Variants in PTGR1 observed in about 807,000 individuals in gnomAD.
PTGR1 encodes the protein prostaglandin reductase 1.
PTGR1 carries 23 observed loss-of-function variants against 37.7 expected under a neutral mutation model. That is an observed-to-expected ratio of 0.61 (90% CI 0.44 to 0.86). The LOEUF (loss-of-function observed/expected upper bound fraction) is 0.86, where lower values mean the gene tolerates loss of function less well. PTGR1 is among the 40% of genes least tolerant of loss of function. The pLI, the probability that PTGR1 is intolerant of heterozygous loss-of-function variation, is 0.00. For synonymous variants in PTGR1, 134 were observed against 140.0 expected, an observed-to-expected ratio of 0.96 and a Z score of 0.30; for missense variants, 351 against 394.3, an observed-to-expected ratio of 0.89 and a Z score of 0.93.
intron 8 of PTGR1, chr9:111,574,327 A>T (rs893867920): frequency 6.6e-6 from 1 of 152,294 alleles, no homozygotes; most frequent in Admixed American, 6.5e-5. Context: ...AATTATATAT[A>T]TTTTTATTTC....
chr9:111,557,373 C>G (rs1242493418), intron 9 of PTGR1, among the ~76,000 whole-genome samples: 1 of 148,722 alleles, frequency 6.7e-6, no homozygotes, highest in Non-Finnish European at 1.5e-5. Flanking sequence ...GACTCCATCT[C>G]CAGTAAAAAA....
At chr9:111,581,868 T>C (rs893801127) in intron 6 of PTGR1, among the ~76,000 whole-genome samples, 1 of 152,152 alleles carries the variant, frequency 6.6e-6, no homozygotes, top group Non-Finnish European at 1.5e-5. Context: ...TTATTATTTA[T>C]TAGATTATTG....
At chr9:111,577,607 G>A (rs1829115940) in intron 7 of PTGR1, 1 of 152,358 alleles carries the variant, frequency 6.6e-6, no homozygotes, top group African/African-American at 2.4e-5. Context: ...CACTTTGGGA[G>A]GCCGAGTTGG....
At position 111,563,266 on chromosome 9, in the gene PTGR1, T is replaced by C. The variant is rs545350929; in HGVS notation, c.880-35A>G. The C allele has an allele frequency of 3.9e-5, 62 of 1,580,786 alleles. No individual in the cohort carries two copies. In the East Asian group the frequency reaches 1.1e-3, roughly 29 times the overall value. On this transcript the variant is annotated intron_variant, in intron 9 of 9. Transcript: ENST00000407693. ...AGCAACAACAAATTTTAAAACTTAA[T>C]TTAATATTCTCAATGATATACTGTT...
intron 9 of PTGR1, among the ~76,000 whole-genome samples, chr9:111,567,512 A>G (rs571397838): frequency 6.6e-6 from 1 of 152,270 alleles, no homozygotes; most frequent in African/African-American, 2.4e-5. Flanking sequence ...AAAGGCTTGC[A>G]GGACGTGAGA....
chr9:111,585,093 C>T (rs978512522), intron 5 of PTGR1, among the ~76,000 whole-genome samples: 2 of 152,000 alleles, frequency 1.3e-5, no homozygotes, highest in Non-Finnish European at 2.9e-5. Context: ...ACTTAGCTTA[C>T]ACAGCCTCTG....
intron 9 of PTGR1, among the ~76,000 whole-genome samples, chr9:111,550,160 C>A (rs573446796): frequency 6.6e-6 from 1 of 152,074 alleles, no homozygotes; most frequent in Non-Finnish European, 1.5e-5. Context: ...TGTCTCAATT[C>A]TTTACAGAGC....
chr9:111,592,624 T>C (rs1436158532), intron 4 of PTGR1: 1 of 259,354 alleles, frequency 3.9e-6, no homozygotes, highest in African/African-American at 2.2e-5. Context: ...GAGAACCCTG[T>C]TGCATTGTGG....
At chr9:111,560,964 TATATATATATAGAGAGAGAGAGAG>T (rs1231358371), downstream of PTGR1, among the ~76,000 whole-genome samples, 40 of 48,488 alleles carry the variant, frequency 8.2e-4, 7 homozygotes, top group East Asian at 0.021. Context: ...TATATATATA[TATATATATATAGAGAGAGAGAGAG>T]AGAGAGAGAG....
At chr9:111,556,483 T>C (rs1384865654) in intron 9 of PTGR1, among the ~76,000 whole-genome samples, 1 of 152,240 alleles carries the variant, frequency 6.6e-6, no homozygotes, top group Non-Finnish European at 1.5e-5. Flanking sequence ...AAGGCTGTGC[T>C]CCTGCAGCAG....
chr9:111,555,780 C>T (rs951331686), intron 9 of PTGR1, among the ~76,000 whole-genome samples: 1 of 152,208 alleles, frequency 6.6e-6, no homozygotes, highest in South Asian at 2.1e-4. Context: ...TCACCTCCCA[C>T]CAGGTCCCTC....
At chr9:111,557,454 T>C (rs200235053) in intron 9 of PTGR1, among the ~76,000 whole-genome samples, 97 of 109,510 alleles carry the variant, frequency 8.9e-4, no homozygotes, top group Middle Eastern at 4.9e-3. Context: ...TTTTTTTTGC[T>C]TTTTTTTTGG....
intron 2 of PTGR1, 84 bp downstream of exon 2, chr9:111,597,233 C>T (rs1044092561): frequency 1.9e-6 from 2 of 1,072,940 alleles, no homozygotes; most frequent in African/African-American, 1.6e-5. Context: ...CTTAAAGTCA[C>T]TAAACTTTGG....
Position 111,580,755 on chromosome 9 carries a change from C to CAA in PTGR1, c.496-1806_496-1805dup, listed in dbSNP as rs79876761. Among the ~76,000 whole-genome samples the CAA allele has an allele frequency of 2.7e-3, 314 of 115,520 alleles. 1 individual carries two copies. Among genetic ancestry groups the CAA allele is most frequent in the Middle Eastern group, 0.015 (3 of 196 alleles). The allele number at this position is 115,520 out of a possible 152,430, so 75.8% of individuals were successfully genotyped here. On this transcript the variant is annotated intron_variant, in intron 6 of 9. Coordinates refer to ENST00000407693, the MANE Select transcript of PTGR1 (RefSeq NM_001146108.2). ...GGACAACAAGAGCGAAACTCCATCTCAAAAAAAAAAAAAAAAGCTGACTCT... is the reference window on the plus strand; with the variant it reads ...GGACAACAAGAGCGAAACTCCATCTCAAAAAAAAAAAAAAAAAAGCTGACTCT...
downstream of PTGR1, among the ~76,000 whole-genome samples, chr9:111,559,028 C>T (rs769904073): frequency 2.9e-4 from 44 of 152,108 alleles, no homozygotes; most frequent in Non-Finnish European, 5.4e-4. Context: ...CTCTTGCCTC[C>T]CCATGTGGTT....
At chr9:111,571,464 T>G (rs967947701) in intron 8 of PTGR1, among the ~76,000 whole-genome samples, 1 of 149,290 alleles carries the variant, frequency 6.7e-6, no homozygotes, top group Non-Finnish European at 1.5e-5. Flanking sequence ...TGTTTTTGTG[T>G]CTGTGTGTTT....
intron 5 of PTGR1, among the ~76,000 whole-genome samples, 196 bp from the exon 6 acceptor site, chr9:111,583,785 G>A (rs1041654244): frequency 3.9e-5 from 6 of 152,192 alleles, no homozygotes; most frequent in African/African-American, 1.4e-4. Context: ...TAAAGGTGAT[G>A]TGAACTAGGG....
At chr9:111,594,552 T>TA (rs1292173083) in intron 2 of PTGR1, among the ~76,000 whole-genome samples, 1 of 146,780 alleles carries the variant, frequency 6.8e-6, no homozygotes, top group Non-Finnish European at 1.5e-5. Context: ...TGGCATTCTT[T>TA]TTTTTTTTTT....
chr9:111,554,385 C>T (rs1209911072), intron 9 of PTGR1, among the ~76,000 whole-genome samples: 2 of 152,204 alleles, frequency 1.3e-5, no homozygotes, highest in Non-Finnish European at 2.9e-5. Flanking sequence ...TGAAATACAG[C>T]TTTCCCCTCA....
Sources: allele counts gnomAD v4.1 joint callset (sites outside exome capture counted in the v4.1 genomes callset), GRCh38; gene constraint gnomAD v4.1.1; transcripts MANE v1.5; gene names NCBI Gene and HGNC (gene_info 2026-07-23, HGNC 2026-07-21).